Variants in RAD52 observed in about 807,000 individuals in gnomAD.
RAD52 encodes the protein DNA repair protein RAD52 homolog.
RAD52 carries 47 observed loss-of-function variants against 55.5 expected under a neutral mutation model. The observed-to-expected ratio is 0.85, with a 90% confidence interval of 0.67 to 1.08. The LOEUF is 1.08. Among genes scored for constraint, RAD52 ranks in the 50% least tolerant of loss-of-function variants. The pLI is 0.00. For missense variants in RAD52, 468 were observed against 522.8 expected (o/e 0.90, Z 1.02); for synonymous variants, 184 against 198.9 (o/e 0.92, Z 0.63).
intron 1 of RAD52, among the ~76,000 whole-genome samples, chr12:978,055 C>A (rs550578141): frequency 8.1e-4 from 123 of 152,266 alleles, no homozygotes; most frequent in Non-Finnish European, 1.4e-3. Context: ...GATTCCAGGC[C>A]AGTTGTCTTA....
intron 1 of RAD52, among the ~76,000 whole-genome samples, chr12:988,583 G>A (rs115431757): frequency 0.04 from 6,023 of 152,260 alleles, 139 homozygotes; most frequent in Middle Eastern, 0.075. Flanking sequence ...AGGCTGTACA[G>A]GAAGCAAGGC....
chr12:924,135 C>T (rs917237529), intron 7 of RAD52, among the ~76,000 whole-genome samples: 3 of 146,456 alleles, frequency 2.0e-5, no homozygotes, highest in Admixed American at 6.8e-5. Flanking sequence ...AAAGGCCGGG[C>T]GCGGGGGCTC....
intron 1 of RAD52, among the ~76,000 whole-genome samples, chr12:979,644 G>A (rs1465754592): frequency 1.3e-5 from 2 of 152,074 alleles, no homozygotes; most frequent in Non-Finnish European, 2.9e-5. Flanking sequence ...AGGAAGAGAG[G>A]CCTCACAATA....
intron 10 of RAD52, 106 bp downstream of exon 10, chr12:914,325 T>G: frequency 6.7e-7 from 1 of 1,501,982 alleles, no homozygotes; most frequent in Non-Finnish European, 8.9e-7. Flanking sequence ...CAGAACCCCC[T>G]CAACAAAACC....
chr12:957,205 C>T (rs1393882445), intron 1 of RAD52, among the ~76,000 whole-genome samples: 1 of 152,036 alleles, frequency 6.6e-6, no homozygotes, highest in Non-Finnish European at 1.5e-5. Flanking sequence ...TGCCTATATT[C>T]CCAGCACTTT....
chr12:927,763 G>A (rs1187444094), intron 5 of RAD52, among the ~76,000 whole-genome samples: 1 of 152,058 alleles, frequency 6.6e-6, no homozygotes, highest in Non-Finnish European at 1.5e-5. Flanking sequence ...CTACTCAGGA[G>A]ACTGAGGCAG....
At chr12:965,814 G>A (rs1222865483) in intron 1 of RAD52, among the ~76,000 whole-genome samples, 2 of 151,794 alleles carry the variant, frequency 1.3e-5, no homozygotes, top group African/African-American at 2.4e-5. Context: ...AGCCTCCTAA[G>A]TAGCTGGGAT....
intron 1 of RAD52, chr12:975,065 T>C (rs1958917818): frequency 6.6e-6 from 1 of 152,148 alleles, no homozygotes; most frequent in Non-Finnish European, 1.5e-5. Flanking sequence ...TTGTTACAAC[T>C]GTTCTATTAC....
chr12:984,413 G>A (rs1196334618), intron 1 of RAD52, among the ~76,000 whole-genome samples: 1 of 152,094 alleles, frequency 6.6e-6, no homozygotes. Flanking sequence ...GGCCAGGTTG[G>A]TCTCGAACTC....
chr12:955,716 C>T (rs1047778498), intron 1 of RAD52, among the ~76,000 whole-genome samples: 1 of 152,094 alleles, frequency 6.6e-6, no homozygotes, highest in East Asian at 1.9e-4. Context: ...TTGTGATCCG[C>T]CTGCCTCGGT....
intron 1 of RAD52, among the ~76,000 whole-genome samples, chr12:973,792 T>TC (rs1958901692): frequency 6.7e-6 from 1 of 148,626 alleles, no homozygotes; most frequent in Non-Finnish European, 1.5e-5. Context: ...CTTTTTTTTT[T>TC]TTTTTTTTTT....
upstream of RAD52, among the ~76,000 whole-genome samples, chr12:952,276 T>A (rs563556596): frequency 3.1e-4 from 47 of 152,158 alleles, no homozygotes; most frequent in African/African-American, 8.7e-4. Context: ...TTAAAAAAAT[T>A]TTTTTTAGAG....
chr12:948,103 T>G (rs1167351965), intron 1 of RAD52, among the ~76,000 whole-genome samples: 1 of 151,760 alleles, frequency 6.6e-6, no homozygotes, highest in Non-Finnish European at 1.5e-5. Flanking sequence ...ATGTGGTATA[T>G]CCACACAATA....
At chr12:929,543 A>G (rs1957215097) in intron 5 of RAD52, 1 of 645,080 alleles carries the variant, frequency 1.6e-6, no homozygotes, top group African/African-American at 1.8e-5. Flanking sequence ...AAAATGTCAG[A>G]TTTTACCATA....
At chr12:978,898 A>T (rs1016530728) in intron 1 of RAD52, among the ~76,000 whole-genome samples, 1 of 151,386 alleles carries the variant, frequency 6.6e-6, no homozygotes, top group African/African-American at 2.4e-5. Context: ...AGGTAGATAG[A>T]TAGATAGATA....
chr12:961,871 A>G (rs573576288), intron 1 of RAD52, among the ~76,000 whole-genome samples: 12 of 152,182 alleles, frequency 7.9e-5, no homozygotes, highest in Admixed American at 6.5e-5. Flanking sequence ...TCTAAAAAAG[A>G]AAGAAAAAAG....
At chr12:966,443 T>C (rs749101148) in intron 1 of RAD52, among the ~76,000 whole-genome samples, 13 of 152,188 alleles carry the variant, frequency 8.5e-5, no homozygotes, top group Admixed American at 3.9e-4. Context: ...AGCAGAAAGA[T>C]GGGAGCCTGG....
upstream of RAD52, among the ~76,000 whole-genome samples, chr12:953,358 C>T (rs143561988): frequency 1.9e-4 from 29 of 152,046 alleles, 1 homozygote; most frequent in East Asian, 5.2e-3. Flanking sequence ...AGGAAGGCAG[C>T]CCTCTGAAGA....
intron 1 of RAD52, chr12:989,764 T>A (rs1272219597): frequency 6.6e-6 from 1 of 152,180 alleles, no homozygotes; most frequent in Non-Finnish European, 1.5e-5. Context: ...AGTGGGAGAA[T>A]GAGAACAGAA....
Sources: gnomAD v4.1 joint callset for allele counts (sites outside exome capture counted in the v4.1 genomes callset) on GRCh38, gnomAD v4.1.1 for gene constraint, MANE v1.5 for transcripts, NCBI Gene and HGNC (gene_info 2026-07-23, HGNC 2026-07-21) for gene names.